WDR7: variants seen among roughly 807,000 people sequenced by gnomAD.
WDR7 encodes WD repeat-containing protein 7.
In WDR7, 46 loss-of-function variants were observed where a neutral mutation model predicts 169.4. That is an observed-to-expected ratio of 0.27 (90% CI 0.21 to 0.35). The LOEUF is 0.35. Among genes scored for constraint, WDR7 ranks in the 10% least tolerant of loss-of-function variants. The pLI, the probability that WDR7 is intolerant of heterozygous loss-of-function variation, is 1.00. For missense variants in WDR7, 1,534 were observed against 1,859.3 expected (o/e 0.83, Z 3.22); for synonymous variants, 612 against 666.8 (o/e 0.92, Z 1.27).
intron 14 of WDR7, among the ~76,000 whole-genome samples, chr18:56,747,227 T>C (rs1481527193): frequency 3.3e-5 from 5 of 152,170 alleles, no homozygotes; most frequent in African/African-American, 1.2e-4. Flanking sequence ...GGAACCTGAC[T>C]TCCTCCTGTA....
At chr18:56,821,190 A>G (rs2045088851) in intron 20 of WDR7, among the ~76,000 whole-genome samples, 1 of 152,214 alleles carries the variant, frequency 6.6e-6, no homozygotes, top group Non-Finnish European at 1.5e-5. Context: ...AAGAAGAAGT[A>G]AATAAATATG....
At chr18:56,663,216 A>G (rs1283405612) in intron 1 of WDR7, among the ~76,000 whole-genome samples, 1 of 152,230 alleles carries the variant, frequency 6.6e-6, no homozygotes, top group Non-Finnish European at 1.5e-5. Context: ...CCAAATACAC[A>G]AATACACTGG....
chr18:56,937,740 T>C (rs1229099010), intron 23 of WDR7, among the ~76,000 whole-genome samples: 2 of 152,212 alleles, frequency 1.3e-5, no homozygotes. Flanking sequence ...TTATTTGCAG[T>C]TGATCCTCAA....
rs566539336 is a variant in WDR7, at chr18:56,718,303, CTT to C, written c.1774+149_1774+150del. The C allele has an allele frequency of 7.1e-6, 6 of 841,628 alleles. No homozygotes were observed. The African/African-American group carries it at 8.7e-5, about 12-fold the overall frequency. The allele number at this position is 841,628 out of a possible 1,614,324, so 52.1% of individuals were successfully genotyped here. Reference sequence around the variant, plus strand: ...TTATTTCTAATTGTTTAAGTGGCCTCTTTTTTGTTCTGCTATGCCAAATGTTT... The same window carrying C: ...TTATTTCTAATTGTTTAAGTGGCCTCTTTTGTTCTGCTATGCCAAATGTTT... On this transcript the variant is annotated intron_variant, in intron 13 of 27. Coordinates refer to ENST00000254442, the MANE Select transcript of WDR7 (RefSeq NM_015285.3).
chr18:56,998,870 A>G (rs910547815), intron 26 of WDR7, among the ~76,000 whole-genome samples: 8 of 152,224 alleles, frequency 5.3e-5, no homozygotes, highest in African/African-American at 1.7e-4. Flanking sequence ...ATTTAAAAAT[A>G]CTGAATACTT....
At chr18:57,030,862 C>G (rs2145966596), downstream of WDR7, 1 of 132,034 alleles carries the variant, frequency 7.6e-6, no homozygotes, top group East Asian at 2.2e-4. Flanking sequence ...ATTAGATGTT[C>G]AGTTCTTTTT....
At chr18:56,933,796 A>C (rs1415287384) in intron 22 of WDR7, among the ~76,000 whole-genome samples, 1 of 152,214 alleles carries the variant, frequency 6.6e-6, no homozygotes, top group African/African-American at 2.4e-5. Context: ...CAACCACTTC[A>C]TAGGGATATT....
intron 21 of WDR7, among the ~76,000 whole-genome samples, chr18:56,881,911 T>C (rs1221689392): frequency 6.6e-6 from 1 of 152,192 alleles, no homozygotes; most frequent in Non-Finnish European, 1.5e-5. Flanking sequence ...AAAAAACACT[T>C]TCTTTCCTGT....
chr18:56,841,564 A>G (rs1349832555), intron 20 of WDR7, among the ~76,000 whole-genome samples: 1 of 151,852 alleles, frequency 6.6e-6, no homozygotes, highest in Non-Finnish European at 1.5e-5. Context: ...AAAAAAAGAT[A>G]CAACAATGGG....
At chr18:56,914,868 A>T (rs2046604174) in intron 21 of WDR7, among the ~76,000 whole-genome samples, 1 of 152,184 alleles carries the variant, frequency 6.6e-6, no homozygotes, top group African/African-American at 2.4e-5. Context: ...AAGCAAAATG[A>T]GATTAAATTT....
At chr18:56,858,991 G>A (rs1283906928) in intron 20 of WDR7, among the ~76,000 whole-genome samples, 1 of 152,128 alleles carries the variant, frequency 6.6e-6, no homozygotes, top group East Asian at 1.9e-4. Flanking sequence ...GAAGAAGACG[G>A]TGGCCATGAG....
chr18:56,992,287 TG>T (rs757893941), intron 26 of WDR7, among the ~76,000 whole-genome samples: 1 of 152,210 alleles, frequency 6.6e-6, no homozygotes, highest in Non-Finnish European at 1.5e-5. Flanking sequence ...CAGAGCAACT[TG>T]TCACTTGGTG....
At chr18:56,771,576 C>A (rs540538437) in intron 16 of WDR7, among the ~76,000 whole-genome samples, 33 of 140,494 alleles carry the variant, frequency 2.3e-4, no homozygotes, top group South Asian at 4.7e-4. Context: ...CACCCCCCCC[C>A]AAAAAAAGAA....
intron 25 of WDR7, 21 bp downstream of exon 25, chr18:56,939,414 A>G (rs769842649): frequency 2.0e-6 from 3 of 1,512,392 alleles, no homozygotes; most frequent in East Asian, 2.3e-5. Context: ...CTTCAAGAGC[A>G]TGCAGAATAA....
chr18:57,029,284 G>A lies in WDR7; in HGVS notation c.*2077G>A, dbSNP rs965490664. On this transcript the variant is annotated 3_prime_UTR_variant, in exon 28 of 28. Transcript: ENST00000254442. Reference sequence around the variant, plus strand: ...TAGCCCTGGGCCACAAGCGTGGGTAGGCCTTTCACGTATTCCGTCTGCACA... The same window carrying A: ...TAGCCCTGGGCCACAAGCGTGGGTAAGCCTTTCACGTATTCCGTCTGCACA... 3.9e-5 allele frequency: 6 copies of A among 152,208 alleles called. No individual in the cohort carries two copies. The highest frequency in any genetic ancestry group is 1.4e-4 in the African/African-American group (6 of 41,454). The allele number at this position is 152,208 out of a possible 1,614,324, so 9.4% of individuals were successfully genotyped here.
At chr18:56,935,929 T>C (rs777137820) in intron 23 of WDR7, 24 bp downstream of exon 23, 1 of 1,583,122 alleles carries the variant, frequency 6.3e-7, no homozygotes, top group Non-Finnish European at 8.6e-7. Context: ...CTCAGTGTGC[T>C]CCATCTTCTC....
intron 19 of WDR7, among the ~76,000 whole-genome samples, chr18:56,805,283 T>A (rs1012377995): frequency 6.6e-6 from 1 of 151,970 alleles, no homozygotes; most frequent in African/African-American, 2.4e-5. Context: ...CTTCCTAACA[T>A]GATGTAACTA....
chr18:56,848,592 T>C (rs987758628), intron 20 of WDR7, among the ~76,000 whole-genome samples: 2 of 152,190 alleles, frequency 1.3e-5, no homozygotes, highest in African/African-American at 4.8e-5. Context: ...CCCAGTGTTA[T>C]AGGTGGGTCC....
chr18:56,888,829 G>A (rs2046229925), intron 21 of WDR7, among the ~76,000 whole-genome samples: 1 of 152,170 alleles, frequency 6.6e-6, no homozygotes, highest in South Asian at 2.1e-4. Flanking sequence ...GCAGATTTGT[G>A]TGCAGGGGTA....
Sources: gnomAD v4.1 joint callset for allele counts (sites outside exome capture counted in the v4.1 genomes callset) on GRCh38, gnomAD v4.1.1 for gene constraint, MANE v1.5 for transcripts, NCBI Gene and HGNC (gene_info 2026-07-23, HGNC 2026-07-21) for gene names.